The following PAQR8 variants were observed in gnomAD, a reference collection of about 807,000 sequenced individuals.
PAQR8 encodes the protein membrane progestin receptor beta.
PAQR8 carries 17 observed loss-of-function variants against 25.2 expected under a neutral mutation model. That is an observed-to-expected ratio of 0.67 (90% confidence interval 0.46 to 1.01). The LOEUF (loss-of-function observed/expected upper bound fraction) is 1.01. PAQR8 is among the 50% of genes least tolerant of loss of function. The pLI, the probability that PAQR8 is intolerant of heterozygous loss-of-function variation, is 0.00. For missense variants in PAQR8, 392 were observed against 448.4 expected (o/e 0.87, Z 1.14); for synonymous variants, 204 against 190.6 (o/e 1.07, Z -0.58).
rs1200032962 is a variant in PAQR8 at position 52,362,756 on chromosome 6, AG to A, written c.-53+509del. On this transcript the variant is annotated intron_variant, in intron 1 of 1. Transcript: ENST00000442253. This position sits in a 1 kb window ranked among gnomAD's most constrained non-coding sequence, Gnocchi z 4.1. ...AACGGAACCTGGGAGGGGAGTGCGG[AG>A]GAGAGGAAGCCCGGGGCGGTAGGGA... 6.6e-6 allele frequency among the ~76,000 whole-genome samples: 1 copy of A among 152,060 alleles called. No individual in the cohort carries two copies. Among genetic ancestry groups the A allele is most frequent in the East Asian group, 1.9e-4 (1 of 5,154 alleles).
At chr6:52,383,934 C>T (rs534043718) in intron 1 of PAQR8, among the ~76,000 whole-genome samples, 2 of 152,008 alleles carry the variant, frequency 1.3e-5, no homozygotes, top group East Asian at 3.9e-4. Context: ...GGAACTGAGG[C>T]CAGAGATTGG....
rs1042597060 is a variant in PAQR8, at chr6:52,404,252, G to T, written c.1039G>T (p.Ala347Ser). The change falls in exon 2 of 2, where the codon GCC (alanine) becomes TCC (serine). Residue 347 changes from alanine to serine, a missense_variant. Transcript: ENST00000442253. The stretch of plus-strand genomic sequence containing the variant: ...AGCCCTTCTGAGGCACAAAGTCAAG[G>T]CCAGACTGACCAAGAAAGATTCCTG... ...TAALLRHKVK[A>S]RLTKKDS The T allele has an allele frequency of 3.1e-6, 5 of 1,602,242 alleles. No individual in the cohort carries two copies. Among genetic ancestry groups the T allele is most frequent in the Middle Eastern group, 1.7e-4 (1 of 6,056 alleles).
At chr6:52,372,637 T>C (rs1483084529) in intron 1 of PAQR8, among the ~76,000 whole-genome samples, 2 of 151,996 alleles carry the variant, frequency 1.3e-5, no homozygotes, top group African/African-American at 4.8e-5. Flanking sequence ...CTTTCTGTTA[T>C]TGAAATTTCA....
chr6:52,404,837 T>A lies in PAQR8; in HGVS notation c.*559T>A, dbSNP rs1763889164. 1 of 169,020 alleles carries A rather than the reference T, an allele frequency of 5.9e-6. No individual in the cohort carries two copies. The highest frequency in any genetic ancestry group is 6.4e-5 in the Admixed American group (1 of 15,688). 10.5% of individuals were successfully genotyped at this position (169,020 alleles called of 1,614,324 possible). ...GTCCCTCCTTTCTCGACAACTATAA[T>A]ACTAACCCTTTTCTCAGGATAACTG... On this transcript the variant is annotated 3_prime_UTR_variant, in exon 2 of 2. Transcript: ENST00000442253.
At chr6:52,380,932 CT>C (rs1763551609) in intron 1 of PAQR8, among the ~76,000 whole-genome samples, 2 of 152,194 alleles carry the variant, frequency 1.3e-5, no homozygotes, top group African/African-American at 2.4e-5. Flanking sequence ...TCCTTGGATA[CT>C]TGAACTGATT....
chr6:52,380,487 G>T (rs1442722325), intron 1 of PAQR8, among the ~76,000 whole-genome samples: 1 of 152,222 alleles, frequency 6.6e-6, no homozygotes, highest in Non-Finnish European at 1.5e-5. Context: ...TTATGTTACA[G>T]TAAGGACAAA....
intron 1 of PAQR8, among the ~76,000 whole-genome samples, chr6:52,370,696 A>G (rs533777135): frequency 6.6e-6 from 1 of 152,356 alleles, no homozygotes; most frequent in Admixed American, 6.5e-5. Context: ...GATGGGAGAC[A>G]TAGCTTCTGC....
chr6:52,385,933 T>A (rs1371232528), intron 1 of PAQR8, among the ~76,000 whole-genome samples: 1 of 152,044 alleles, frequency 6.6e-6, no homozygotes, highest in Non-Finnish European at 1.5e-5. Flanking sequence ...ACCTACAGAA[T>A]GGGAGAAAAT....
rs998384219 is a variant in PAQR8 at position 52,403,990 on chromosome 6, T to G, written c.777T>G (p.Ala259=). 1.1e-5 allele frequency: 18 copies of G among 1,614,220 alleles called. No individual in the cohort carries two copies. The highest frequency in any genetic ancestry group is 1.5e-5 in the Non-Finnish European group (18 of 1,180,040). The change falls in exon 2 of 2, where the codon GCT becomes GCG. Residue 259 remains alanine, a synonymous_variant. Coordinates refer to ENST00000442253, the MANE Select transcript of PAQR8 (RefSeq NM_133367.5). ...TLQILFFLVS[A]YFFSCPVPEK... ...AGATCCTCTTCTTCCTGGTTAGCGC[T>G]TATTTCTTCTCCTGCCCCGTGCCTG...
chr6:52,381,294 C>G lies in PAQR8; in HGVS notation c.-53+19045C>G, dbSNP rs112016717. 1.2e-3 allele frequency among the ~76,000 whole-genome samples: 176 copies of G among 152,322 alleles called. 1 individual carries two copies. Among genetic ancestry groups the G allele is most frequent in the African/African-American group, 3.9e-3 (164 of 41,584 alleles). ...TAAGTCCTTTCTACACTAATGGCAA[C>G]AAGCATTGGTGGATTCAAAAAGCAC... On this transcript the variant is annotated intron_variant, in intron 1 of 1. Transcript: ENST00000442253.
In PAQR8 at chr6:52,397,113, G is replaced by A. The variant is rs140137457; in HGVS notation, c.-52-6049G>A. ...AAGCCAAGAGAGGAGGCATTGGTTA[G>A]CATTGGGAATCCTTGCAGAGCTCAG... On this transcript the variant is annotated intron_variant, in intron 1 of 1. Coordinates refer to ENST00000442253, the MANE Select transcript of PAQR8 (RefSeq NM_133367.5). 6.6e-5 allele frequency among the ~76,000 whole-genome samples: 10 copies of A among 152,300 alleles called. No individual in the cohort carries two copies. The East Asian group carries it at 1.9e-3, about 29-fold the overall frequency.
chr6:52,403,483 CTT>C lies in PAQR8; in HGVS notation c.271_272del (p.Leu91AlafsTer9), dbSNP rs1252132311. The C allele has an allele frequency of 6.2e-7, 1 of 1,614,054 alleles. No homozygotes were observed. The highest frequency in any genetic ancestry group is 8.5e-7 in the Non-Finnish European group (1 of 1,180,058). On this transcript the variant is annotated frameshift_variant, in exon 2 of 2. Transcript: ENST00000442253. LOFTEE classifies it high-confidence loss of function. ...THLLAALAVL[L>X]RFWAFAEAEA... The stretch of plus-strand genomic sequence containing the variant: ...ATTTACTGGCAGCCCTGGCCGTCCT[CTT>C]GCGATTCTGGGCCTTTGCCGAGGCT...
chr6:52,363,874 CTTTGTT>C (rs10624831), intron 1 of PAQR8, among the ~76,000 whole-genome samples: 11 of 150,722 alleles, frequency 7.3e-5, no homozygotes, highest in Non-Finnish European at 1.2e-4. Flanking sequence ...CAAGGCATGG[CTTTGTT>C]TTTGTTTTTG....
At chr6:52,373,682 C>T (rs1399947724) in intron 1 of PAQR8, 1 of 151,968 alleles carries the variant, frequency 6.6e-6, no homozygotes, top group Non-Finnish European at 1.5e-5. Context: ...GCCTGGGTGT[C>T]CAAGATTGCC....
chr6:52,371,705 T>A (rs1297529286), intron 1 of PAQR8, among the ~76,000 whole-genome samples: 1 of 152,164 alleles, frequency 6.6e-6, no homozygotes, highest in Non-Finnish European at 1.5e-5. Context: ...TACAAAGACA[T>A]AAAATAGCTA....
chr6:52,390,574 A>G (rs561959620), intron 1 of PAQR8, among the ~76,000 whole-genome samples: 2 of 152,192 alleles, frequency 1.3e-5, no homozygotes, highest in East Asian at 1.9e-4. Context: ...ACAAACCCAC[A>G]TGGTCAGGAA....
intron 1 of PAQR8, among the ~76,000 whole-genome samples, chr6:52,368,392 A>G (rs913635426): frequency 2.0e-5 from 3 of 152,198 alleles, no homozygotes; most frequent in African/African-American, 4.8e-5. Flanking sequence ...TTGCGAGTCA[A>G]GGTGAGTAGC....
chr6:52,385,716 T>G (rs1763625567), intron 1 of PAQR8, among the ~76,000 whole-genome samples: 2 of 152,036 alleles, frequency 1.3e-5, no homozygotes, highest in African/African-American at 4.8e-5. Context: ...AACCCCACTC[T>G]CTACAAAAAA....
At position 52,402,518 on chromosome 6, in the gene PAQR8, G is replaced by A. The variant is rs577619041; in HGVS notation, c.-52-644G>A. The stretch of plus-strand genomic sequence containing the variant: ...TGTAATCCCAGCTACTTGGGAGGCT[G>A]AGGCAGGAGAATTGCTTGAACCCGG... On this transcript the variant is annotated intron_variant, in intron 1 of 1. Transcript: ENST00000442253. 2.8e-4 allele frequency among the ~76,000 whole-genome samples: 43 copies of A among 151,728 alleles called. No homozygotes were observed. The South Asian group carries it at 8.5e-3, about 30-fold the overall frequency.
Sources: allele counts gnomAD v4.1 joint callset (sites outside exome capture counted in the v4.1 genomes callset), GRCh38; gene constraint gnomAD v4.1.1; non-coding constraint Gnocchi (gnomAD v3.1); transcripts MANE v1.5; gene names NCBI Gene and HGNC (gene_info 2026-07-23, HGNC 2026-07-21).